Variants in ABCC1 observed in about 807,000 individuals in gnomAD.
ABCC1 encodes ATP binding cassette subfamily C member 1 (ABCC1 blood group).
In ABCC1, 83 loss-of-function variants were observed where a neutral mutation model predicts 172.9. That is an observed-to-expected ratio of 0.48 (90% CI 0.40 to 0.58). ABCC1 has a LOEUF of 0.58. Ranked by LOEUF, ABCC1 falls within the 20% of genes least tolerant of loss-of-function variation. The pLI is 0.00. For missense variants in ABCC1, 1,817 were observed against 2,002.7 expected, an observed-to-expected ratio of 0.91 and a Z score of 1.77; for synonymous variants, 937 against 825.2, an observed-to-expected ratio of 1.14 and a Z score of -2.32.
At chr16:16,139,662 A>G (rs902457228) in intron 30 of ABCC1, among the ~76,000 whole-genome samples, 3 of 147,828 alleles carry the variant, frequency 2.0e-5, no homozygotes, top group Non-Finnish European at 4.5e-5. Context: ...GATTTTATTT[A>G]TACTAACACA....
intron 19 of ABCC1, among the ~76,000 whole-genome samples, chr16:16,093,814 C>G (rs1039623793): frequency 2.0e-5 from 3 of 152,030 alleles, no homozygotes; most frequent in Non-Finnish European, 4.4e-5. Flanking sequence ...TTAGAACACC[C>G]AGGCTGAAGG....
Position 16,114,847 on chromosome 16 carries a change from A to G in ABCC1, c.3161A>G (p.His1054Arg). Reference protein sequence around the residue: ...ASRCLHVDLLHSILRSPMSFF... With the variant: ...ASRCLHVDLLRSILRSPMSFF... ...CGCTGTCTGCACGTGGACCTGCTGCACAGCATCCTGCGGTCACCCATGAGC... is the reference window on the plus strand; with the variant it reads ...CGCTGTCTGCACGTGGACCTGCTGCGCAGCATCCTGCGGTCACCCATGAGC... The change falls in exon 23 of 31, where the codon CAC (histidine) becomes CGC (arginine). Residue 1054 changes from histidine to arginine, a missense_variant. Physicochemically the swap from His to Arg is conservative, Grantham distance 29. Transcript: ENST00000399410. The G allele has an allele frequency of 6.2e-7, 1 of 1,613,950 alleles. No homozygotes were observed. The highest frequency in any genetic ancestry group is 8.5e-7 in the Non-Finnish European group (1 of 1,179,912).
At chr16:15,991,869 C>A (rs1312627311) in intron 1 of ABCC1, among the ~76,000 whole-genome samples, 1 of 152,110 alleles carries the variant, frequency 6.6e-6, no homozygotes, top group African/African-American at 2.4e-5. Context: ...AGGATCTTCT[C>A]CTAGGGTCTC....
Position 16,090,605 on chromosome 16 carries a change from G to A in ABCC1, c.2644+17G>A, listed in dbSNP as rs763163633. On this transcript the variant is annotated intron_variant, in intron 19 of 30. Coordinates refer to ENST00000399410, the MANE Select transcript of ABCC1 (RefSeq NM_004996.4). ...AGGAGAACGGTAGGGGCAGCCCCAG[G>A]GTTCCACCCACTCAGGGTGTCTGGC... The A allele has an allele frequency of 6.4e-7, 1 of 1,555,460 alleles. No homozygotes were observed. Among genetic ancestry groups the A allele is most frequent in the South Asian group, 1.2e-5 (1 of 85,004 alleles).
intron 20 of ABCC1, chr16:16,106,416 GAAAAAAAA>G (rs56210046): frequency 8.0e-6 from 1 of 124,478 alleles, no homozygotes; most frequent in African/African-American, 3.2e-5. Flanking sequence ...ATTGATCTCA[GAAAAAAAA>G]AAAAAAAGCA....
chr16:16,134,625 C>CT (rs67073334), intron 28 of ABCC1, 117 bp downstream of exon 28: 14,254 of 353,710 alleles, frequency 0.04, 916 homozygotes, highest in Admixed American at 0.053. Context: ...CTTCATCGTT[C>CT]TTTTTTTTTT....
At chr16:16,067,176 G>A (rs1225534033) in intron 12 of ABCC1, among the ~76,000 whole-genome samples, 3 of 152,154 alleles carry the variant, frequency 2.0e-5, no homozygotes, top group African/African-American at 7.2e-5. Flanking sequence ...CTTGAGCCCG[G>A]GAGGTCGAGG....
At chr16:16,064,249 C>G (rs1035404925) in intron 12 of ABCC1, among the ~76,000 whole-genome samples, 4 of 152,162 alleles carry the variant, frequency 2.6e-5, no homozygotes. Flanking sequence ...CCTAGACCCT[C>G]GCCTATTACA....
intron 18 of ABCC1, among the ~76,000 whole-genome samples, chr16:16,087,195 G>A (rs990088664): frequency 2.0e-5 from 3 of 152,252 alleles, no homozygotes; most frequent in East Asian, 3.9e-4. Context: ...AGTCCTCCGC[G>A]CAGAGTTAAA....
intron 23 of ABCC1, 101 bp from the exon 24 acceptor site, chr16:16,121,874 G>T (rs549670918): frequency 7.7e-7 from 1 of 1,304,078 alleles, no homozygotes; most frequent in Admixed American, 2.0e-5. Context: ...TTGCCTCCTG[G>T]AGGTATCGGT....
chr16:16,107,465 T>G (rs1408635527), intron 21 of ABCC1, among the ~76,000 whole-genome samples: 1 of 152,082 alleles, frequency 6.6e-6, no homozygotes, highest in Non-Finnish European at 1.5e-5. Flanking sequence ...AATTTTTGTA[T>G]TTTTAGTAGA....
At chr16:16,027,185 T>C (rs1344876575) in intron 5 of ABCC1, among the ~76,000 whole-genome samples, 3 of 152,116 alleles carry the variant, frequency 2.0e-5, no homozygotes, top group Non-Finnish European at 4.4e-5. Flanking sequence ...CCTTAATCAC[T>C]GTGTCTTGGT....
chr16:16,000,547 T>C (rs1430204712), intron 1 of ABCC1, among the ~76,000 whole-genome samples: 1 of 152,192 alleles, frequency 6.6e-6, no homozygotes, highest in Non-Finnish European at 1.5e-5. Context: ...CTACATCTGC[T>C]CAATTAGGAA....
At chr16:15,986,483 G>GGAGCGTGAACCC (rs571875545) in intron 1 of ABCC1, among the ~76,000 whole-genome samples, 21 of 152,304 alleles carry the variant, frequency 1.4e-4, no homozygotes, top group African/African-American at 4.3e-4. Flanking sequence ...GATTCTCACA[G>GGAGCGTGAACCC]GAGCGTGAAC....
intron 23 of ABCC1, among the ~76,000 whole-genome samples, chr16:16,118,228 A>G (rs1425574617): frequency 6.6e-6 from 1 of 151,962 alleles, no homozygotes; most frequent in Non-Finnish European, 1.5e-5. Flanking sequence ...AGAGTAAGAA[A>G]CCATGAGGCT....
intron 1 of ABCC1, among the ~76,000 whole-genome samples, chr16:15,967,026 G>C (rs780503341): frequency 5.7e-4 from 87 of 152,126 alleles, no homozygotes; most frequent in Non-Finnish European, 1.0e-3. Context: ...TTGGTCCCCT[G>C]CCCCCTGAGA....
At chr16:16,012,475 A>G (rs2047822677) in intron 3 of ABCC1, among the ~76,000 whole-genome samples, 1 of 130,576 alleles carries the variant, frequency 7.7e-6, no homozygotes, top group Non-Finnish European at 1.6e-5. Context: ...GCAGTGGGGT[A>G]TTAGAGTGGA....
intron 1 of ABCC1, among the ~76,000 whole-genome samples, chr16:15,960,852 G>A (rs751610071): frequency 6.6e-6 from 1 of 152,116 alleles, no homozygotes; most frequent in Non-Finnish European, 1.5e-5. Flanking sequence ...GGAGCATTCG[G>A]CAAAATGCAT....
intron 3 of ABCC1, among the ~76,000 whole-genome samples, chr16:16,012,855 G>GT: frequency 6.6e-6 from 1 of 151,882 alleles, no homozygotes; most frequent in Non-Finnish European, 1.5e-5. Flanking sequence ...GCTAATTTTT[G>GT]TATTTTTAGT....
Sources: gnomAD v4.1 joint callset for allele counts (sites outside exome capture counted in the v4.1 genomes callset) on GRCh38, gnomAD v4.1.1 for gene constraint, MANE v1.5 for transcripts, NCBI Gene and HGNC (gene_info 2026-07-23, HGNC 2026-07-21) for gene names.